PHACTR2: variants seen among roughly 807,000 people sequenced by gnomAD.
PHACTR2 encodes chromosome 6 open reading frame 56.
In PHACTR2, 30 loss-of-function variants were observed where a neutral mutation model predicts 76.0. The observed-to-expected ratio is 0.39, with a 90% CI of 0.30 to 0.54. The LOEUF (loss-of-function observed/expected upper bound fraction) is 0.54, where lower values mean the gene tolerates loss of function less well. Among genes scored for constraint, PHACTR2 ranks in the 20% least tolerant of loss-of-function variants. PHACTR2 has a pLI of 0.61. For missense variants in PHACTR2, 696 were observed against 781.1 expected (o/e 0.89, Z 1.30); for synonymous variants, 292 against 292.5 (o/e 1.00, Z 0.02).
rs1158711127 is a variant in PHACTR2, at chr6:143,819,504, A to G, written c.1923-4170A>G. ...ATAATGGATGCTGAGAAGTCCCAGA[A>G]CAGGCTGTCGGCAACCTGGAGACCC... On this transcript the variant is annotated intron_variant, in intron 12 of 12. Coordinates refer to ENST00000440869, the MANE Select transcript of PHACTR2 (RefSeq NM_001100164.2). The surrounding 1 kb of genome is among the most constrained non-coding windows in gnomAD (Gnocchi z 5.0). Among the ~76,000 whole-genome samples, 2 of 152,172 alleles carry G rather than the reference A, an allele frequency of 1.3e-5. No homozygotes were observed. The highest frequency in any genetic ancestry group is 2.4e-5 in the African/African-American group (1 of 41,450).
chr6:143,774,268 C>A lies in PHACTR2; in HGVS notation c.1589+53C>A. On this transcript the variant is annotated intron_variant, in intron 8 of 12. Coordinates refer to ENST00000440869, the MANE Select transcript of PHACTR2 (RefSeq NM_001100164.2). The surrounding 1 kb of genome is among the most constrained non-coding windows in gnomAD (Gnocchi z 5.4). The stretch of plus-strand genomic sequence containing the variant: ...TGACTAATTTGTATTTTTCTCCCTC[C>A]CAAAGCTTCCTACCTAACTGGGGTC... 6.3e-6 allele frequency: 9 copies of A among 1,433,936 alleles called. No individual in the cohort carries two copies. Among genetic ancestry groups the A allele is most frequent in the South Asian group, 1.2e-5 (1 of 83,152 alleles). The allele number at this position is 1,433,936 out of a possible 1,614,324, so 88.8% of individuals were successfully genotyped here.
rs1775535678 is a variant in PHACTR2 at position 143,578,333 on chromosome 6, C to A, written c.217+41126C>A. ...TAGGATGATCTAGTTTGATTCAACT[C>A]TTCTTGGCCCTTAACTTTCCTCAGG... On this transcript the variant is annotated intron_variant, in intron 1 of 11. Transcript: ENST00000367584. The surrounding 1 kb of genome is among the most constrained non-coding windows in gnomAD (Gnocchi z 4.5). 6.6e-6 allele frequency among the ~76,000 whole-genome samples: 1 copy of A among 152,194 alleles called. No homozygotes were observed. Among genetic ancestry groups the A allele is most frequent in the African/African-American group, 2.4e-5 (1 of 41,450 alleles).
At chr6:143,567,959 G>A (rs1202845466) in intron 1 of PHACTR2, among the ~76,000 whole-genome samples, 1 of 152,198 alleles carries the variant, frequency 6.6e-6, no homozygotes, top group Non-Finnish European at 1.5e-5. Flanking sequence ...ACTCTGTCAT[G>A]CCCTGGAGAG....
Position 143,664,103 on chromosome 6 carries a change from A to G in PHACTR2, c.14-47913A>G, listed in dbSNP as rs1776992045. Among the ~76,000 whole-genome samples the G allele has an allele frequency of 1.3e-5, 2 of 152,132 alleles. No individual in the cohort carries two copies. The highest frequency in any genetic ancestry group is 2.9e-5 in the Non-Finnish European group (2 of 67,992). On this transcript the variant is annotated intron_variant, in intron 1 of 11. Coordinates refer to the PHACTR2 transcript ENST00000305766. This position sits in a 1 kb window ranked among gnomAD's most constrained non-coding sequence, Gnocchi z 5.1. ...TGATGTCAGGGATATATGAGATAAT[A>G]ATTTGAACATCCTGTTAGATTATAA...
chr6:143,566,361 G>A (rs1775362442), intron 1 of PHACTR2, among the ~76,000 whole-genome samples: 1 of 151,896 alleles, frequency 6.6e-6, no homozygotes, highest in South Asian at 2.1e-4. Context: ...TGGTACAATC[G>A]TAGCTCACTG....
intron 1 of PHACTR2, among the ~76,000 whole-genome samples, chr6:143,582,592 G>A (rs55662387): frequency 0.3 from 45,101 of 151,488 alleles, 6,788 homozygotes; most frequent in Middle Eastern, 0.42. Context: ...AAAAAAACTT[G>A]GGAACAACCT....
rs1424484230 is a variant in PHACTR2 at position 143,718,881 on chromosome 6, T to TTTG, written c.214+6700_214+6701insGTT. Among the ~76,000 whole-genome samples, 693 of 132,382 alleles carry TTTG rather than the reference T, an allele frequency of 5.2e-3. 2 individuals carry two copies. Among genetic ancestry groups the TTTG allele is most frequent in the Non-Finnish European group, 9.3e-3 (548 of 58,722 alleles). 86.8% of individuals were successfully genotyped at this position (132,382 alleles called of 152,430 possible). ...AAGTTGGAAAGTTGGAAGTGTTTTT[T>TTTG]TTTTTTTTTTTTTTTTTTGGAGACA... On this transcript the variant is annotated intron_variant, in intron 2 of 12. Transcript: ENST00000440869.
At chr6:143,705,123 C>G (rs931163802) in intron 1 of PHACTR2, among the ~76,000 whole-genome samples, 1 of 147,568 alleles carries the variant, frequency 6.8e-6, no homozygotes, top group South Asian at 2.2e-4. Context: ...CCGCGCCCGG[C>G]CTTGTTTTAT....
In PHACTR2 at chr6:143,751,943, T is replaced by C. The variant is rs1250557467; in HGVS notation, c.296-1811T>C. Among the ~76,000 whole-genome samples, 1 of 152,168 alleles carries C rather than the reference T, an allele frequency of 6.6e-6. No homozygotes were observed. The highest frequency in any genetic ancestry group is 1.9e-4 in the East Asian group (1 of 5,198). On this transcript the variant is annotated intron_variant, in intron 3 of 12. Transcript: ENST00000440869. This position sits in a 1 kb window ranked among gnomAD's most constrained non-coding sequence, Gnocchi z 5.7. Reference sequence around the variant, plus strand: ...TAACTTTACTTCCCCTCTGTTTTGTTCTTGAATTCCATATTTATCACAAAT... The same window carrying C: ...TAACTTTACTTCCCCTCTGTTTTGTCCTTGAATTCCATATTTATCACAAAT...
In PHACTR2 at chr6:143,801,444, A is replaced by G. The variant is rs1184047605; in HGVS notation, c.1846-5613A>G. Among the ~76,000 whole-genome samples, 2 of 152,104 alleles carry G rather than the reference A, an allele frequency of 1.3e-5. No individual in the cohort carries two copies. The highest frequency in any genetic ancestry group is 2.9e-5 in the Non-Finnish European group (2 of 68,022). ...CTTGTCTTCTCACTTTATTTCATTA[A>G]TTTGATCTTCAATCACTGATATACT... On this transcript the variant is annotated intron_variant, in intron 11 of 12. Coordinates refer to ENST00000440869, the MANE Select transcript of PHACTR2 (RefSeq NM_001100164.2). The surrounding 1 kb of genome is among the most constrained non-coding windows in gnomAD (Gnocchi z 4.6).
chr6:143,542,905 A>G (rs1037480395), intron 1 of PHACTR2, among the ~76,000 whole-genome samples: 1 of 152,240 alleles, frequency 6.6e-6, no homozygotes, highest in Non-Finnish European at 1.5e-5. Flanking sequence ...CAACATGGCC[A>G]TGTAGAAGGG....
chr6:143,685,122 T>C (rs1005387712), intron 1 of PHACTR2, among the ~76,000 whole-genome samples: 8 of 152,076 alleles, frequency 5.3e-5, no homozygotes, highest in African/African-American at 1.9e-4. Flanking sequence ...TCAAGTTGAT[T>C]AGTCGTTTTC....
In PHACTR2 at chr6:143,678,014, G is replaced by A; in HGVS notation, c.-150G>A. ...CCGGCTGCGGCCGGCCGGGCTGGGA[G>A]ACCCGCGCGGGGTAGAAGGTGAGGG... On this transcript the variant is annotated 5_prime_UTR_variant, in exon 1 of 13. Transcript: ENST00000440869. This position sits in a 1 kb window ranked among gnomAD's most constrained non-coding sequence, Gnocchi z 6.2. The A allele has an allele frequency of 2.0e-6, 3 of 1,476,676 alleles. No individual in the cohort carries two copies. The highest frequency in any genetic ancestry group is 1.3e-5 in the South Asian group (1 of 77,550). The allele number at this position is 1,476,676 out of a possible 1,614,324, so 91.5% of individuals were successfully genotyped here. A position where few individuals can be genotyped will look rare whatever the true frequency, so the allele number is the denominator to read the frequency against.
At position 143,545,806 on chromosome 6, in the gene PHACTR2, A is replaced by G. The variant is rs559940260; in HGVS notation, c.217+8599A>G. ...ACTCTGAATTATGAAAGAGATCATCAGAATAAATATCACTTTCTATCAAAA... is the reference window on the plus strand; with the variant it reads ...ACTCTGAATTATGAAAGAGATCATCGGAATAAATATCACTTTCTATCAAAA... On this transcript the variant is annotated intron_variant, in intron 1 of 11. Transcript: ENST00000367584. 5.9e-5 allele frequency among the ~76,000 whole-genome samples: 9 copies of G among 152,372 alleles called. No homozygotes were observed. In the South Asian group the frequency reaches 1.7e-3, roughly 28 times the overall value.
chr6:143,737,370 A>G (rs1289782944), intron 2 of PHACTR2, among the ~76,000 whole-genome samples: 6 of 151,914 alleles, frequency 3.9e-5, no homozygotes, highest in Admixed American at 3.9e-4. Flanking sequence ...TCTGGGCTCA[A>G]GTGATCCTCC....
rs927576033 is a variant in PHACTR2 at position 143,672,766 on chromosome 6, C to G, written c.14-39250C>G. Among the ~76,000 whole-genome samples the G allele has an allele frequency of 6.6e-6, 1 of 151,764 alleles. No homozygotes were observed. Among genetic ancestry groups the G allele is most frequent in the Non-Finnish European group, 1.5e-5 (1 of 67,986 alleles). On this transcript the variant is annotated intron_variant, in intron 1 of 11. Transcript: ENST00000305766. The surrounding 1 kb of genome is among the most constrained non-coding windows in gnomAD (Gnocchi z 5.8). ...TTGAGACAGAGTCTCACTCTGTTGC[C>G]CAGGCTGGAATGCAATGGCTCAACC...
Position 143,556,323 on chromosome 6 carries a change from G to A in PHACTR2, c.217+19116G>A, listed in dbSNP as rs78886395. ...TGTGGGGCATCTCCAATGCTCCTGC[G>A]TGCCAGGCACAAGGCGTGGGCCAGG... On this transcript the variant is annotated intron_variant, in intron 1 of 11. Coordinates refer to the PHACTR2 transcript ENST00000367584. This position sits in a 1 kb window ranked among gnomAD's most constrained non-coding sequence, Gnocchi z 4.3. Among the ~76,000 whole-genome samples the A allele has an allele frequency of 0.01, 1,582 of 152,322 alleles. 28 individuals are homozygous for A. The highest frequency in any genetic ancestry group is 0.036 in the African/African-American group (1,478 of 41,552).
In PHACTR2 at chr6:143,753,931, C is replaced by G. The variant is rs1779245406; in HGVS notation, c.454+19C>G. The G allele has an allele frequency of 1.3e-6, 2 of 1,576,342 alleles. No homozygotes were observed. Among genetic ancestry groups the G allele is most frequent in the African/African-American group, 1.4e-5 (1 of 72,888 alleles). On this transcript the variant is annotated intron_variant, in intron 4 of 12. Coordinates refer to ENST00000440869, the MANE Select transcript of PHACTR2 (RefSeq NM_001100164.2). This position sits in a 1 kb window ranked among gnomAD's most constrained non-coding sequence, Gnocchi z 4.6. ...AAGAAAGGTAAAATAAAGACAAACC[C>G]ATATTATTTACTTTAGTATATAGCT...
At chr6:143,669,072 C>T (rs1373713691) in intron 1 of PHACTR2, among the ~76,000 whole-genome samples, 1 of 152,070 alleles carries the variant, frequency 6.6e-6, no homozygotes, top group Non-Finnish European at 1.5e-5. Context: ...TGTGTTGTGT[C>T]TTTTTTTCTC....
Sources: gnomAD v4.1 joint callset for allele counts (sites outside exome capture counted in the v4.1 genomes callset) on GRCh38, gnomAD v4.1.1 for gene constraint, Gnocchi (gnomAD v3.1) non-coding constraint, MANE v1.5 for transcripts, NCBI Gene and HGNC (gene_info 2026-07-23, HGNC 2026-07-21) for gene names.